Variants in PHLDB2 observed in about 807,000 individuals in gnomAD.
PHLDB2 encodes the protein pleckstrin homology like domain family B member 2.
A neutral mutation model predicts 123.6 loss-of-function variants in PHLDB2; 71 were observed. The ratio of observed to expected loss-of-function variants is 0.57; its 90% CI spans 0.47 to 0.70. PHLDB2 has a LOEUF of 0.70. Ranked by LOEUF, PHLDB2 falls within the 30% of genes least tolerant of loss-of-function variation. The probability of loss-of-function intolerance (pLI) is 0.00; values close to 1 mark genes in which losing one functional copy is unlikely to be tolerated. For synonymous variants in PHLDB2, 547 were observed against 541.6 expected (o/e 1.01, Z -0.14); for missense variants, 1,446 against 1,519.5 (o/e 0.95, Z 0.80).
intron 1 of PHLDB2, 97 bp from the exon 2 acceptor site, chr3:111,883,967 C>T: frequency 8.5e-7 from 1 of 1,177,052 alleles, no homozygotes; most frequent in East Asian, 2.4e-5. Context: ...TGCATTAGGT[C>T]AGACTGCAAG....
chr3:111,947,208 G>A (rs1168026384), intron 9 of PHLDB2, among the ~76,000 whole-genome samples: 3 of 152,108 alleles, frequency 2.0e-5, no homozygotes, highest in South Asian at 2.1e-4. Flanking sequence ...AAGTCTTTTC[G>A]TCTCCTAATA....
upstream of PHLDB2, chr3:111,859,158 G>A: frequency 1.0e-6 from 1 of 984,522 alleles, no homozygotes; most frequent in South Asian, 4.7e-5. Context: ...GTCACCTGGA[G>A]TTTCCCAATA....
chr3:111,797,334 G>A (rs1018132991), intron 1 of PHLDB2, among the ~76,000 whole-genome samples: 2 of 151,814 alleles, frequency 1.3e-5, no homozygotes, highest in African/African-American at 2.4e-5. Flanking sequence ...AATGGTTTAA[G>A]TTCTATTTAG....
At chr3:111,818,776 G>A (rs1437388050) in intron 1 of PHLDB2, among the ~76,000 whole-genome samples, 1 of 152,026 alleles carries the variant, frequency 6.6e-6, no homozygotes, top group East Asian at 1.9e-4. Flanking sequence ...TCTGCCATTG[G>A]CTCCATGCTG....
chr3:111,962,947 A>G (rs1396017985), intron 13 of PHLDB2, among the ~76,000 whole-genome samples: 1 of 122,730 alleles, frequency 8.1e-6, no homozygotes, highest in Non-Finnish European at 2.0e-5. Flanking sequence ...AAAAAAAAAA[A>G]AAGAAAGAAA....
chr3:111,821,361 G>T (rs1165294080), intron 1 of PHLDB2, among the ~76,000 whole-genome samples: 1 of 152,222 alleles, frequency 6.6e-6, no homozygotes, highest in Non-Finnish European at 1.5e-5. Flanking sequence ...ATGAGAGACA[G>T]AAGTGGGAGA....
chr3:111,859,524 A>G lies in PHLDB2; in HGVS notation c.-67A>G. ...GGGCCCGACGGTGTGGCGTGGCGCA[A>G]GGAGCGCGCCTGCCTTCTCTCGCCG... On this transcript the variant is annotated 5_prime_UTR_variant, in exon 1 of 18. Transcript: ENST00000431670. 1 of 985,646 alleles carries G rather than the reference A, an allele frequency of 1.0e-6. No individual in the cohort carries two copies. The highest frequency in any genetic ancestry group is 4.7e-5 in the South Asian group (1 of 21,298). The allele number at this position is 985,646 out of a possible 1,614,324, so 61.1% of individuals were successfully genotyped here.
At chr3:111,798,656 T>C (rs2108250812) in intron 1 of PHLDB2, among the ~76,000 whole-genome samples, 1 of 147,454 alleles carries the variant, frequency 6.8e-6, no homozygotes, top group Middle Eastern at 3.4e-3. Context: ...CAAGGCTGGG[T>C]GACAGGGCCG....
intron 2 of PHLDB2, among the ~76,000 whole-genome samples, chr3:111,903,035 A>T (rs377363172): frequency 6.6e-5 from 10 of 151,486 alleles, no homozygotes; most frequent in African/African-American, 2.2e-4. Context: ...TTTTATTTGT[A>T]TTTTTTTTTG....
intron 16 of PHLDB2, among the ~76,000 whole-genome samples, chr3:111,972,309 A>G (rs762710528): frequency 2.4e-4 from 36 of 152,206 alleles, no homozygotes; most frequent in South Asian, 2.1e-4. Flanking sequence ...GGAAGAGGAA[A>G]AACAAAGAAA....
rs1418840967 is a variant in PHLDB2, at chr3:111,831,013, GAA to G, written c.-48-14806_-48-14805del. Among the ~76,000 whole-genome samples the G allele has an allele frequency of 6.9e-5, 7 of 102,082 alleles. 1 individual carries two copies. Among genetic ancestry groups the G allele is most frequent in the African/African-American group, 3.0e-4 (6 of 20,230 alleles). The allele number at this position is 102,082 out of a possible 152,430, so 67.0% of individuals were successfully genotyped here. On this transcript the variant is annotated intron_variant, in intron 1 of 17. Coordinates refer to the PHLDB2 transcript ENST00000393923. ...AGAAAGAAAGAAAGAAAGAAAGAAA[GAA>G]AGAAAGAAAGAAAGAAAGGAAGGAA...
chr3:111,880,780 A>T (rs896304913), intron 1 of PHLDB2, among the ~76,000 whole-genome samples: 2 of 152,114 alleles, frequency 1.3e-5, no homozygotes, highest in African/African-American at 4.8e-5. Flanking sequence ...AAATAAAAAC[A>T]ATGAAACTAC....
rs549808508 is a variant in PHLDB2 at position 111,743,671 on chromosome 3, A to AT, written c.-49+10970dup. On this transcript the variant is annotated intron_variant, in intron 1 of 17. Coordinates refer to the PHLDB2 transcript ENST00000393923. ...CAAATCCAACTCTCCAATACTACAC[A>AT]TTGTAAGCAGAATATAAGTCAGAAG... Among the ~76,000 whole-genome samples the AT allele has an allele frequency of 1.8e-4, 28 of 152,288 alleles. No individual in the cohort carries two copies. In the East Asian group the frequency reaches 5.4e-3, roughly 29 times the overall value.
intron 1 of PHLDB2, among the ~76,000 whole-genome samples, chr3:111,799,088 T>A (rs548899101): frequency 6.6e-6 from 1 of 152,166 alleles, no homozygotes; most frequent in Non-Finnish European, 1.5e-5. Context: ...TATAAAACCA[T>A]TGGACCTTGT....
chr3:111,845,968 A>G (rs1242698558), intron 2 of PHLDB2: 4 of 1,598,658 alleles, frequency 2.5e-6, no homozygotes, highest in African/African-American at 1.3e-5. Flanking sequence ...TTTTCAGTAC[A>G]TATTTACAAG....
At chr3:111,929,546 T>A (rs2068996673) in intron 5 of PHLDB2, among the ~76,000 whole-genome samples, 1 of 152,210 alleles carries the variant, frequency 6.6e-6, no homozygotes. Context: ...CTAGAGCTAA[T>A]TTTCCTTTAA....
chr3:111,908,011 GACTTC>G (rs1302151926), intron 2 of PHLDB2, among the ~76,000 whole-genome samples: 1 of 152,120 alleles, frequency 6.6e-6, no homozygotes, highest in Non-Finnish European at 1.5e-5. Context: ...TTTTTATTGA[GACTTC>G]ATCACATAAG....
rs181086099 is a variant in PHLDB2 at position 111,924,774 on chromosome 3, G to A, written c.2001+4355G>A. On this transcript the variant is annotated intron_variant, in intron 5 of 17. Transcript: ENST00000431670. ...GCTCTAGAATTTTGGAGACAAGGCC[G>A]GAGCCATAGGAAAAAGGTTTAATAA... Among the ~76,000 whole-genome samples the A allele has an allele frequency of 5.3e-3, 805 of 152,306 alleles. 3 individuals are homozygous for A. The highest frequency in any genetic ancestry group is 0.01 in the Middle Eastern group (3 of 294).
intron 1 of PHLDB2, among the ~76,000 whole-genome samples, chr3:111,861,380 T>A (rs1173158769): frequency 6.6e-6 from 1 of 152,244 alleles, no homozygotes; most frequent in African/African-American, 2.4e-5. Context: ...TTAAATTCTG[T>A]AAAGTTACCA....
Sources: gnomAD v4.1 joint callset for allele counts (sites outside exome capture counted in the v4.1 genomes callset) on GRCh38, gnomAD v4.1.1 for gene constraint, MANE v1.5 for transcripts, NCBI Gene and HGNC (gene_info 2026-07-23, HGNC 2026-07-21) for gene names.